The following SYT1 variants were observed in gnomAD, a reference collection of about 807,000 sequenced individuals.
SYT1 encodes the protein synaptotagmin-1.
Under a neutral mutation model 44.8 loss-of-function variants are expected in SYT1, and 8 were observed. That is an observed-to-expected ratio of 0.18 (90% CI 0.10 to 0.32). SYT1 has a LOEUF of 0.32. Among genes scored for constraint, SYT1 ranks in the 10% least tolerant of loss-of-function variants. SYT1 has a pLI of 1.00. For missense variants in SYT1, 286 were observed against 509.3 expected (o/e 0.56, Z 4.22); for synonymous variants, 154 against 188.8 (o/e 0.82, Z 1.51).
chr12:79,389,611 C>A (rs754090836), intron 9 of SYT1, among the ~76,000 whole-genome samples: 3 of 152,116 alleles, frequency 2.0e-5, no homozygotes, highest in Non-Finnish European at 2.9e-5. Flanking sequence ...AGAATTCAAA[C>A]CAAGTTTTTC....
At chr12:78,905,770 C>A (rs1875946787) in intron 1 of SYT1, among the ~76,000 whole-genome samples, 1 of 151,286 alleles carries the variant, frequency 6.6e-6, no homozygotes, top group Non-Finnish European at 1.5e-5. Context: ...GTTTTTTGAC[C>A]TTTTTAATTT....
rs1252219828 is a variant in SYT1 at position 79,068,364 on chromosome 12, T to C, written c.-18+21002T>C. Among the ~76,000 whole-genome samples the C allele has an allele frequency of 1.3e-5, 2 of 152,116 alleles. 1 individual carries two copies. Among genetic ancestry groups the C allele is most frequent in the African/African-American group, 4.8e-5 (2 of 41,416 alleles). ...TAGTGTACTCTAATCTAGTGTCTAG[T>C]CTAAATACTTGAAAACGGTATCAAT... is the stretch of plus-strand genomic sequence containing the variant. On this transcript the variant is annotated intron_variant, in intron 3 of 10. Transcript: ENST00000261205.
intron 8 of SYT1, among the ~76,000 whole-genome samples, chr12:79,310,424 G>A (rs1163082416): frequency 2.6e-5 from 4 of 152,114 alleles, no homozygotes; most frequent in Non-Finnish European, 5.9e-5. Flanking sequence ...CTGTAGCCTT[G>A]TAGTATAGTT....
Position 78,998,139 on chromosome 12 carries a change from G to C in SYT1, c.-84+20208G>C, listed in dbSNP as rs186552802. On this transcript the variant is annotated intron_variant, in intron 2 of 10. Transcript: ENST00000261205. ...TCTGAGAACCCCCAAAATGACTCTT[G>C]CTTTCTTCATAGTTTGCCTAGTGCT... Among the ~76,000 whole-genome samples, 500 of 152,238 alleles carry C rather than the reference G, an allele frequency of 3.3e-3. 2 individuals carry two copies. The highest frequency in any genetic ancestry group is 5.5e-3 in the Non-Finnish European group (372 of 68,006).
intron 9 of SYT1, among the ~76,000 whole-genome samples, chr12:79,379,421 C>T (rs147874563): frequency 0.011 from 1,680 of 152,126 alleles, 20 homozygotes; most frequent in Non-Finnish European, 0.015. Flanking sequence ...CCAAGGAGTC[C>T]TCTGAGAACC....
rs369600003 is a variant in SYT1 at position 78,982,859 on chromosome 12, A to G, written c.-84+4928A>G. ...TTCCCTGATCCAACAAATCTTATCC[A>G]TCATGCAGCCTGAGTTCATACCTTT... is the stretch of plus-strand genomic sequence containing the variant. On this transcript the variant is annotated intron_variant, in intron 2 of 10. Coordinates refer to ENST00000261205, the MANE Select transcript of SYT1 (RefSeq NM_005639.3). Among the ~76,000 whole-genome samples, 17 of 152,270 alleles carry G rather than the reference A, an allele frequency of 1.1e-4. No homozygotes were observed. In the East Asian group the frequency reaches 3.1e-3, roughly 28 times the overall value.
chr12:78,957,310 A>G (rs1879263622), intron 1 of SYT1, among the ~76,000 whole-genome samples: 1 of 152,212 alleles, frequency 6.6e-6, no homozygotes, highest in Non-Finnish European at 1.5e-5. Flanking sequence ...TCTATTTTAA[A>G]TAAAGAAGAA....
At chr12:79,251,544 T>G (rs1301427096) in intron 4 of SYT1, among the ~76,000 whole-genome samples, 1 of 152,156 alleles carries the variant, frequency 6.6e-6, no homozygotes, top group African/African-American at 2.4e-5. Context: ...AGTAAGTTGG[T>G]GGATGAAGTT....
intron 3 of SYT1, among the ~76,000 whole-genome samples, chr12:79,120,320 T>C (rs758825155): frequency 2.6e-5 from 4 of 152,006 alleles, no homozygotes; most frequent in Non-Finnish European, 4.4e-5. Flanking sequence ...GAGGCATGGA[T>C]TGAAAAACTA....
intron 8 of SYT1, among the ~76,000 whole-genome samples, chr12:79,300,789 T>TTTTTTATATATATA (rs1490670835): frequency 1.6e-4 from 14 of 89,622 alleles, no homozygotes; most frequent in Non-Finnish European, 1.3e-4. Flanking sequence ...TGTATACTTA[T>TTTTTTATATATATA]TATATATATA....
chr12:79,226,774 T>C (rs1210653689), intron 4 of SYT1, among the ~76,000 whole-genome samples: 1 of 152,182 alleles, frequency 6.6e-6, no homozygotes, highest in Admixed American at 6.5e-5. Context: ...TGTAATAGTA[T>C]GTATTTTACA....
intron 2 of SYT1, among the ~76,000 whole-genome samples, chr12:79,011,819 G>A (rs537710692): frequency 1.3e-5 from 2 of 152,040 alleles, no homozygotes; most frequent in South Asian, 4.2e-4. Flanking sequence ...ATAAACATAG[G>A]TTTTCTTAAG....
chr12:79,023,865 A>G (rs1446720411), intron 2 of SYT1, among the ~76,000 whole-genome samples: 1 of 151,774 alleles, frequency 6.6e-6, no homozygotes, highest in Non-Finnish European at 1.5e-5. Context: ...TATAGGTTAG[A>G]GACATCATAC....
chr12:79,143,934 T>C (rs1869720073), intron 3 of SYT1, among the ~76,000 whole-genome samples: 1 of 152,132 alleles, frequency 6.6e-6, no homozygotes, highest in African/African-American at 2.4e-5. Flanking sequence ...AGAAAACAAA[T>C]TGGGAGATGC....
intron 9 of SYT1, among the ~76,000 whole-genome samples, chr12:79,365,137 T>C (rs985226572): frequency 2.0e-5 from 3 of 152,096 alleles, no homozygotes; most frequent in Admixed American, 6.6e-5. Context: ...ATTTGAAATT[T>C]CATATCCTTC....
At chr12:78,945,354 T>G (rs758325090) in intron 1 of SYT1, among the ~76,000 whole-genome samples, 7 of 151,966 alleles carry the variant, frequency 4.6e-5, no homozygotes, top group Non-Finnish European at 1.0e-4. Flanking sequence ...TGTAGGAACT[T>G]ATAAAGCTAT....
intron 1 of SYT1, among the ~76,000 whole-genome samples, chr12:78,931,340 GGAAGGAAGGAAGGAAGGAA>G (rs1877715303): frequency 1.7e-3 from 14 of 8,352 alleles, no homozygotes; most frequent in South Asian, 9.1e-3. Context: ...AGGGAGGGAA[GGAAGGAAGGAAGGAAGGAA>G]GGAAGGAAGG....
chr12:79,274,697 G>A (rs571462649), intron 4 of SYT1, among the ~76,000 whole-genome samples: 3 of 152,172 alleles, frequency 2.0e-5, no homozygotes, highest in African/African-American at 7.2e-5. Flanking sequence ...ACTCTTCCTG[G>A]GTAACCTAGG....
intron 4 of SYT1, among the ~76,000 whole-genome samples, chr12:79,227,813 G>A (rs1046946610): frequency 2.0e-5 from 3 of 152,058 alleles, no homozygotes; most frequent in African/African-American, 4.8e-5. Context: ...CTGAATAAGC[G>A]CTCTATAAAT....
Sources: allele counts gnomAD v4.1 joint callset (sites outside exome capture counted in the v4.1 genomes callset), GRCh38; gene constraint gnomAD v4.1.1; transcripts MANE v1.5; gene names NCBI Gene and HGNC (gene_info 2026-07-23, HGNC 2026-07-21).